Variants in GCC2 observed in about 807,000 individuals in gnomAD.
The protein encoded by GCC2 is GRIP and coiled-coil domain containing 2.
GCC2 carries 120 observed loss-of-function variants against 210.6 expected under a neutral mutation model. The ratio of observed to expected loss-of-function variants is 0.57; its 90% CI spans 0.49 to 0.66. The LOEUF (loss-of-function observed/expected upper bound fraction) is 0.66. GCC2 is among the 30% of genes least tolerant of loss of function. GCC2 has a pLI of 0.00. For missense variants in GCC2, 1,868 were observed against 1,871.9 expected (o/e 1.00, Z 0.04); for synonymous variants, 703 against 652.7 (o/e 1.08, Z -1.17).
At chr2:108,478,106 T>C (rs1262649143) in intron 9 of GCC2, among the ~76,000 whole-genome samples, 1 of 152,192 alleles carries the variant, frequency 6.6e-6, no homozygotes, top group Non-Finnish European at 1.5e-5. Flanking sequence ...AATTAATAGA[T>C]TATAGGGTCT....
rs543428420 is a variant in GCC2, at chr2:108,480,558, A to G, written c.3061-1139A>G. On this transcript the variant is annotated intron_variant, in intron 9 of 22. Transcript: ENST00000309863. ...AATTGGTATATATACACCATGGAAT[A>G]CTACACAGCCATAAAAAAAATATGA... Among the ~76,000 whole-genome samples, 592 of 152,308 alleles carry G rather than the reference A, an allele frequency of 3.9e-3. 3 individuals are homozygous for G. Among genetic ancestry groups the G allele is most frequent in the African/African-American group, 0.013 (561 of 41,584 alleles).
intron 4 of GCC2, among the ~76,000 whole-genome samples, chr2:108,453,025 C>G (rs1680040092): frequency 6.6e-6 from 1 of 152,216 alleles, no homozygotes; most frequent in East Asian, 1.9e-4. Flanking sequence ...ACTTCATTCT[C>G]TGCTCTTCCC....
At chr2:108,453,557 G>A (rs1680075825) in intron 4 of GCC2, among the ~76,000 whole-genome samples, 1 of 152,164 alleles carries the variant, frequency 6.6e-6, no homozygotes, top group Non-Finnish European at 1.5e-5. Flanking sequence ...GGCCAAGGTG[G>A]GAGGATCACT....
chr2:108,474,798 G>A (rs181112325), intron 7 of GCC2: 1 of 152,218 alleles, frequency 6.6e-6, no homozygotes, highest in East Asian at 1.9e-4. Flanking sequence ...GGAAAAAATC[G>A]ACTAGAAAGG....
At chr2:108,486,669 A>G in intron 16 of GCC2, 21 bp downstream of exon 16, 1 of 1,595,892 alleles carries the variant, frequency 6.3e-7, no homozygotes, top group Non-Finnish European at 8.5e-7. Flanking sequence ...CAGGGCAGCC[A>G]CAGCAAGCCA....
chr2:108,451,231 C>A, intron 3 of GCC2, 119 bp downstream of exon 3: 1 of 619,808 alleles, frequency 1.6e-6, no homozygotes, highest in Non-Finnish European at 2.8e-6. Context: ...CCAAGTACAC[C>A]TTAGTGTAGT....
In GCC2 at chr2:108,481,807, G is replaced by C. The variant is rs752940087; in HGVS notation, c.3171G>C (p.Ser1057=). 6.4e-7 allele frequency: 1 copy of C among 1,556,690 alleles called. No homozygotes were observed. Residue 1057 remains serine (S), a synonymous_variant, in exon 10 of 23, where the codon TCG becomes TCC. Coordinates refer to ENST00000309863, the MANE Select transcript of GCC2 (RefSeq NM_181453.4). ...IEDLTRQLRN[S]TLQCETINSD... ...ACCTTACAAGACAATTAAGAAATTC[G>C]ACTTTGCAGGTAATTTTTTAATAAA...
In GCC2 at chr2:108,449,244, C is replaced by A; in HGVS notation, c.-31C>A. The A allele has an allele frequency of 6.5e-7, 1 of 1,547,974 alleles. No homozygotes were observed. The highest frequency in any genetic ancestry group is 8.7e-7 in the Non-Finnish European group (1 of 1,144,312). ...AACAGAAGTGCAGCGGTGGCGGCGGCTGGTTGCGGGCCGGCGGCGGGCTGG... is the reference window on the plus strand; with the variant it reads ...AACAGAAGTGCAGCGGTGGCGGCGGATGGTTGCGGGCCGGCGGCGGGCTGG... On this transcript the variant is annotated 5_prime_UTR_variant, in exon 1 of 23. The change creates a new upstream start codon in the 5' untranslated region. Transcript: ENST00000309863.
In GCC2 at chr2:108,489,915, C is replaced by T. The variant is rs1390875585; in HGVS notation, c.4130C>T (p.Ser1377Phe). ...CAAAATAACTTACAGATTAATGTATCTGAACTTCAAACATTGCAGTCTGAA... is the reference window on the plus strand; with the variant it reads ...CAAAATAACTTACAGATTAATGTATTTGAACTTCAAACATTGCAGTCTGAA... ...DSQNNLQINV[S>F]ELQTLQSEHD... The change falls in exon 18 of 23, where the codon TCT becomes TTT. Residue 1377 changes from serine (S) to phenylalanine (F), a missense_variant. Transcript: ENST00000309863. The T allele has an allele frequency of 1.2e-6, 2 of 1,611,216 alleles. No homozygotes were observed. The highest frequency in any genetic ancestry group is 1.7e-6 in the Non-Finnish European group (2 of 1,178,262).
intron 4 of GCC2, among the ~76,000 whole-genome samples, chr2:108,457,156 G>C (rs1339612670): frequency 6.6e-6 from 1 of 151,822 alleles, no homozygotes; most frequent in East Asian, 1.9e-4. Context: ...GTTGATATTT[G>C]TATCAACTAA....
chr2:108,482,985 AT>A, intron 11 of GCC2, 76 bp from the exon 12 acceptor site: 1 of 783,348 alleles, frequency 1.3e-6, no homozygotes, highest in Non-Finnish European at 2.2e-6. Context: ...CGGCCGTCAG[AT>A]TTATTTTAAA....
At chr2:108,472,933 A>G in intron 7 of GCC2, 34 bp downstream of exon 7, 1 of 1,180,282 alleles carries the variant, frequency 8.5e-7, no homozygotes, top group Non-Finnish European at 1.2e-6. Flanking sequence ...GTCACAATTA[A>G]TTAGACAGAT....
At chr2:108,469,629 G>A (rs765378096) in intron 5 of GCC2, 22 bp from the exon 6 acceptor site, 6 of 1,527,420 alleles carry the variant, frequency 3.9e-6, no homozygotes, top group Non-Finnish European at 5.3e-6. Context: ...AATAATTTAT[G>A]TGTGCTTATT....
intron 6 of GCC2, among the ~76,000 whole-genome samples, chr2:108,472,465 GCA>G (rs1273893025): frequency 3.9e-5 from 6 of 152,052 alleles, no homozygotes; most frequent in Non-Finnish European, 8.8e-5. Context: ...TTTGTAAAGA[GCA>G]CTTTTTAAGT....
chr2:108,483,456 C>T (rs979779303), intron 12 of GCC2, among the ~76,000 whole-genome samples: 2 of 151,972 alleles, frequency 1.3e-5, no homozygotes, highest in African/African-American at 2.4e-5. Flanking sequence ...AACTCCTGAC[C>T]TCAAATGATC....
At chr2:108,495,756 A>G (rs1235467201) in intron 20 of GCC2, 1 of 226,662 alleles carries the variant, frequency 4.4e-6, no homozygotes, top group Non-Finnish European at 8.8e-6. Context: ...AGCCAGTCCA[A>G]GTTCCAAAAC....
intron 4 of GCC2, among the ~76,000 whole-genome samples, chr2:108,462,244 G>A (rs1479668880): frequency 6.8e-6 from 1 of 147,012 alleles, no homozygotes; most frequent in Non-Finnish European, 1.5e-5. Flanking sequence ...TGTAATCCCA[G>A]CACTTTGGGA....
chr2:108,489,505 A>G (rs1234692290), intron 17 of GCC2, among the ~76,000 whole-genome samples: 2 of 150,594 alleles, frequency 1.3e-5, no homozygotes, highest in African/African-American at 4.9e-5. Flanking sequence ...ACAGAGCCAG[A>G]CTCCATCTCA....
intron 6 of GCC2, 46 bp from the exon 7 acceptor site, chr2:108,472,781 T>C (rs1339956798): frequency 4.6e-6 from 5 of 1,083,124 alleles, no homozygotes; most frequent in Admixed American, 2.0e-5. Flanking sequence ...ATTCTGATTC[T>C]GGTTTTTGTT....
Sources: gnomAD v4.1 joint callset for allele counts (sites outside exome capture counted in the v4.1 genomes callset) on GRCh38, gnomAD v4.1.1 for gene constraint, MANE v1.5 for transcripts, NCBI Gene and HGNC (gene_info 2026-07-23, HGNC 2026-07-21) for gene names.